Variants in SLC22A23 observed in about 807,000 individuals in gnomAD.
The protein encoded by SLC22A23 is ion transporter protein.
Under a neutral mutation model 61.0 loss-of-function variants are expected in SLC22A23, and 26 were observed. The observed-to-expected ratio is 0.43, with a 90% CI of 0.31 to 0.59. SLC22A23 has a LOEUF of 0.59. SLC22A23 is among the 20% of genes least tolerant of loss of function. The pLI is 0.11. For missense variants in SLC22A23, 796 were observed against 934.7 expected, an observed-to-expected ratio of 0.85 and a Z score of 1.94; for synonymous variants, 430 against 413.9, an observed-to-expected ratio of 1.04 and a Z score of -0.47.
At chr6:3,352,916 A>C (rs781456735) in intron 3 of SLC22A23, among the ~76,000 whole-genome samples, 2 of 152,190 alleles carry the variant, frequency 1.3e-5, no homozygotes, top group Non-Finnish European at 2.9e-5. Context: ...CGTGACCTGC[A>C]CCTTGCTACC....
At chr6:3,455,882 G>A (rs1287096225) in intron 1 of SLC22A23, 24 bp downstream of exon 1, 3 of 1,477,414 alleles carry the variant, frequency 2.0e-6, no homozygotes, top group Admixed American at 2.2e-5. Flanking sequence ...AGGGTTGGAG[G>A]GACTGGGCGG....
At chr6:3,299,615 C>T (rs1761436089) in intron 4 of SLC22A23, among the ~76,000 whole-genome samples, 1 of 152,234 alleles carries the variant, frequency 6.6e-6, no homozygotes, top group African/African-American at 2.4e-5. Context: ...TTACAAGCTG[C>T]TCAAAGAGAA....
intron 4 of SLC22A23, chr6:3,303,315 A>T (rs1761750492): frequency 6.6e-6 from 1 of 152,242 alleles, no homozygotes; most frequent in Non-Finnish European, 1.5e-5. Context: ...AAAAAACTAC[A>T]AACAGAATTA....
intron 3 of SLC22A23, among the ~76,000 whole-genome samples, chr6:3,341,380 G>T (rs1764143496): frequency 6.6e-6 from 1 of 152,222 alleles, no homozygotes; most frequent in Non-Finnish European, 1.5e-5. Flanking sequence ...TCAAGGTGAG[G>T]TTTAGAGGAC....
At chr6:3,316,565 G>T (rs1264725286) in intron 4 of SLC22A23, among the ~76,000 whole-genome samples, 1 of 152,226 alleles carries the variant, frequency 6.6e-6, no homozygotes, top group Non-Finnish European at 1.5e-5. Context: ...GCACTCACAT[G>T]TTGGGCTGAG....
intron 1 of SLC22A23, chr6:3,438,698 C>A: frequency 2.7e-6 from 1 of 365,358 alleles, no homozygotes; most frequent in South Asian, 2.1e-5. Context: ...GTTCAAAGGA[C>A]CTACTTCAAG....
intron 3 of SLC22A23, among the ~76,000 whole-genome samples, chr6:3,388,355 G>A (rs760280046): frequency 6.6e-6 from 1 of 152,178 alleles, no homozygotes; most frequent in Non-Finnish European, 1.5e-5. Flanking sequence ...AGTGGAAAGT[G>A]TATGCAGATC....
intron 1 of SLC22A23, among the ~76,000 whole-genome samples, chr6:3,417,921 CAT>C (rs553293777): frequency 1.3e-3 from 199 of 152,364 alleles, no homozygotes; most frequent in Middle Eastern, 3.4e-3. Flanking sequence ...CGAACATTCA[CAT>C]ATGTATGCTG....
intron 3 of SLC22A23, among the ~76,000 whole-genome samples, chr6:3,375,629 C>T (rs1452382831): frequency 6.6e-6 from 1 of 152,188 alleles, no homozygotes; most frequent in East Asian, 1.9e-4. Context: ...TCTCTCACCA[C>T]AGAGGGGATT....
At chr6:3,380,945 G>T (rs369146263) in intron 3 of SLC22A23, among the ~76,000 whole-genome samples, 9 of 152,276 alleles carry the variant, frequency 5.9e-5, no homozygotes, top group East Asian at 1.9e-4. Flanking sequence ...GAAGTGACAG[G>T]TCACTTCCAC....
chr6:3,352,016 C>T (rs1166413296), intron 3 of SLC22A23, among the ~76,000 whole-genome samples: 4 of 152,148 alleles, frequency 2.6e-5, no homozygotes, highest in African/African-American at 4.8e-5. Flanking sequence ...AAGGCTGCTC[C>T]GTTTCTGAAA....
At chr6:3,437,651 T>A (rs1044622035) in intron 1 of SLC22A23, among the ~76,000 whole-genome samples, 2 of 150,904 alleles carry the variant, frequency 1.3e-5, no homozygotes, top group Admixed American at 6.6e-5. Flanking sequence ...ATCGTGCCAC[T>A]GCACTCCAGC....
At chr6:3,319,187 G>A (rs570922190) in intron 4 of SLC22A23, among the ~76,000 whole-genome samples, 1 of 152,164 alleles carries the variant, frequency 6.6e-6, no homozygotes, top group East Asian at 1.9e-4. Context: ...GACCCCATAG[G>A]GTCTGACCCC....
chr6:3,443,147 A>C (rs907286351), intron 1 of SLC22A23, among the ~76,000 whole-genome samples: 1 of 152,244 alleles, frequency 6.6e-6, no homozygotes, highest in Non-Finnish European at 1.5e-5. Context: ...GGAGAGGCAG[A>C]GAAGTTACTG....
intron 9 of SLC22A23, among the ~76,000 whole-genome samples, chr6:3,274,188 C>T (rs1758691064): frequency 6.6e-6 from 1 of 152,174 alleles, no homozygotes; most frequent in Non-Finnish European, 1.5e-5. Flanking sequence ...CTTACAGAAC[C>T]CCTATCCCTC....
chr6:3,277,563 G>A (rs1759026324), intron 9 of SLC22A23, among the ~76,000 whole-genome samples: 1 of 152,186 alleles, frequency 6.6e-6, no homozygotes, highest in Admixed American at 6.5e-5. Flanking sequence ...CACTTCCCCT[G>A]CATCCTCAGG....
At chr6:3,426,283 C>T (rs1280620186) in intron 1 of SLC22A23, among the ~76,000 whole-genome samples, 1 of 152,176 alleles carries the variant, frequency 6.6e-6, no homozygotes, top group Non-Finnish European at 1.5e-5. Context: ...TTGAGCAGAG[C>T]CCAGGTTTCC....
chr6:3,439,448 G>A, intron 1 of SLC22A23: 1 of 356,786 alleles, frequency 2.8e-6, no homozygotes, highest in Non-Finnish European at 5.5e-6. Flanking sequence ...AAAAGGCTCT[G>A]TGACCTACCT....
intron 5 of SLC22A23, chr6:3,291,897 T>C (rs1255613959): frequency 2.6e-5 from 4 of 152,236 alleles, no homozygotes; most frequent in Non-Finnish European, 5.9e-5. Flanking sequence ...TGATATGTTA[T>C]TGTTTACTAA....
Sources: allele counts gnomAD v4.1 joint callset (sites outside exome capture counted in the v4.1 genomes callset), GRCh38; gene constraint gnomAD v4.1.1; transcripts MANE v1.5; gene names NCBI Gene and HGNC (gene_info 2026-07-23, HGNC 2026-07-21).